PAFAH1B1: variants seen among roughly 807,000 people sequenced by gnomAD.
PAFAH1B1 encodes platelet-activating factor acetylhydrolase IB subunit beta.
PAFAH1B1 carries 2 observed loss-of-function variants against 57.5 expected under a neutral mutation model. That is an observed-to-expected ratio of 0.03 (90% CI 0.01 to 0.11). The LOEUF (loss-of-function observed/expected upper bound fraction) is 0.11. Among genes scored for constraint, PAFAH1B1 ranks in the 10% least tolerant of loss-of-function variants. The pLI, the probability that PAFAH1B1 is intolerant of heterozygous loss-of-function variation, is 1.00. For synonymous variants in PAFAH1B1, 152 were observed against 169.6 expected (o/e 0.90, Z 0.81); for missense variants, 257 against 512.0 (o/e 0.50, Z 4.81).
At chr17:2,601,862 G>T (rs1056816778) in intron 1 of PAFAH1B1, among the ~76,000 whole-genome samples, 1 of 152,182 alleles carries the variant, frequency 6.6e-6, no homozygotes, top group African/African-American at 2.4e-5. Context: ...AATGTGCTGG[G>T]ATTACAGGCA....
At chr17:2,659,180 G>T (rs563094217) in intron 2 of PAFAH1B1, among the ~76,000 whole-genome samples, 13 of 150,372 alleles carry the variant, frequency 8.6e-5, no homozygotes, top group African/African-American at 2.7e-4. Context: ...GAACCCAGGA[G>T]GGGGAGGTTG....
chr17:2,644,535 C>T (rs866358818), intron 2 of PAFAH1B1, among the ~76,000 whole-genome samples: 6 of 151,886 alleles, frequency 4.0e-5, no homozygotes, highest in Admixed American at 3.9e-4. Flanking sequence ...AAGAGTGAGA[C>T]TCCATCTCAA....
In PAFAH1B1 at chr17:2,663,928, C is replaced by T. The variant is rs544445916; in HGVS notation, c.33-1444C>T. 5.3e-5 allele frequency among the ~76,000 whole-genome samples: 8 copies of T among 151,818 alleles called. No homozygotes were observed. The South Asian group carries it at 6.3e-4, about 12-fold the overall frequency. ...CAGGCTGGTCTCGAGCTCCCGACCT[C>T]GTGATGCGCCCACCTCGGGCTCCCA... On this transcript the variant is annotated intron_variant, in intron 2 of 10. Coordinates refer to ENST00000397195, the MANE Select transcript of PAFAH1B1 (RefSeq NM_000430.4).
chr17:2,599,050 C>T (rs910045327), intron 1 of PAFAH1B1, among the ~76,000 whole-genome samples: 1 of 152,122 alleles, frequency 6.6e-6, no homozygotes, highest in Non-Finnish European at 1.5e-5. Flanking sequence ...TGAAACTTAC[C>T]TAGATAGGAC....
At position 2,660,176 on chromosome 17, in the gene PAFAH1B1, T is replaced by C. The variant is rs137914115; in HGVS notation, c.33-5196T>C. Among the ~76,000 whole-genome samples, 98 of 151,716 alleles carry C rather than the reference T, an allele frequency of 6.5e-4. No homozygotes were observed. The East Asian group carries it at 0.016, about 25-fold the overall frequency. On this transcript the variant is annotated intron_variant, in intron 2 of 10. Coordinates refer to ENST00000397195, the MANE Select transcript of PAFAH1B1 (RefSeq NM_000430.4). Reference sequence around the variant, plus strand: ...CCTGGACCTTTTAGAGGAATGCATGTTATCTCCATTGCTGCCCTGAATATG... The same window carrying C: ...CCTGGACCTTTTAGAGGAATGCATGCTATCTCCATTGCTGCCCTGAATATG...
At chr17:2,601,856 T>G (rs1369615698) in intron 1 of PAFAH1B1, among the ~76,000 whole-genome samples, 3 of 152,184 alleles carry the variant, frequency 2.0e-5, no homozygotes. Context: ...CCTCCCAATG[T>G]GCTGGGATTA....
intron 1 of PAFAH1B1, among the ~76,000 whole-genome samples, chr17:2,616,090 A>T (rs1344452098): frequency 6.6e-6 from 1 of 152,222 alleles, no homozygotes; most frequent in African/African-American, 2.4e-5. Context: ...CTTATTCAGC[A>T]CATCTTTCTT....
intron 1 of PAFAH1B1, among the ~76,000 whole-genome samples, chr17:2,611,340 C>T (rs970407950): frequency 9.2e-5 from 14 of 151,736 alleles, no homozygotes; most frequent in East Asian, 1.9e-4. Flanking sequence ...TGGTTGTGTG[C>T]GCCTGTAGTC....
intron 1 of PAFAH1B1, among the ~76,000 whole-genome samples, chr17:2,596,501 A>G (rs2068085080): frequency 6.6e-6 from 1 of 152,182 alleles, no homozygotes; most frequent in South Asian, 2.1e-4. Context: ...GCCATAAGCT[A>G]GGGTAGGTCA....
At chr17:2,640,474 CAG>C (rs1239436371) in intron 2 of PAFAH1B1, 4 of 121,892 alleles carry the variant, frequency 3.3e-5, no homozygotes, top group Non-Finnish European at 4.8e-5. Context: ...TTTTTTGAGA[CAG>C]AGCCTCGCAC....
At position 2,676,516 on chromosome 17, in the gene PAFAH1B1, T is replaced by C. The variant is rs765713462; in HGVS notation, c.912T>C (p.Ser304=). The C allele has an allele frequency of 2.5e-6, 4 of 1,609,182 alleles. No homozygotes were observed. In the South Asian group the frequency reaches 4.4e-5, roughly 18 times the overall value. The change falls in exon 9 of 11, where the codon AGT becomes AGC. Residue 304 remains serine, a synonymous_variant. Coordinates refer to ENST00000397195, the MANE Select transcript of PAFAH1B1 (RefSeq NM_000430.4). Reference sequence around the variant, plus strand: ...TATGTTTTCTGTAGACTAAAAAAAGTGGTAAACCTGGGCCATTCTTGCTGT... The same window carrying C: ...TATGTTTTCTGTAGACTAAAAAAAGCGGTAAACCTGGGCCATTCTTGCTGT... ...SEATGSETKK[S]GKPGPFLLSG...
intron 2 of PAFAH1B1, among the ~76,000 whole-genome samples, chr17:2,651,414 A>C (rs963001594): frequency 2.0e-4 from 21 of 106,976 alleles, no homozygotes; most frequent in Non-Finnish European, 3.4e-4. Flanking sequence ...CCGTCTCTAC[A>C]AAAAAAAAAA....
intron 2 of PAFAH1B1, chr17:2,641,055 A>C (rs1253156715): frequency 2.6e-5 from 4 of 152,136 alleles, no homozygotes; most frequent in Non-Finnish European, 4.4e-5. Context: ...TTTCACCACC[A>C]CTCATTCCAC....
intron 2 of PAFAH1B1, among the ~76,000 whole-genome samples, chr17:2,646,109 A>G (rs2068764982): frequency 6.6e-6 from 1 of 152,178 alleles, no homozygotes; most frequent in African/African-American, 2.4e-5. Context: ...AGAACGACAA[A>G]ATAAGTCTAA....
chr17:2,654,334 C>A (rs2068908443), intron 2 of PAFAH1B1, among the ~76,000 whole-genome samples: 2 of 151,790 alleles, frequency 1.3e-5, no homozygotes. Context: ...GGATTACAGG[C>A]ACGCACCATC....
chr17:2,675,080 C>A (rs7209145), intron 8 of PAFAH1B1, among the ~76,000 whole-genome samples: 32,954 of 152,166 alleles, frequency 0.22, 3,698 homozygotes, highest in Middle Eastern at 0.27. Context: ...CGGCTCACTG[C>A]AACCTCCGCC....
intron 1 of PAFAH1B1, among the ~76,000 whole-genome samples, chr17:2,613,058 AAAG>A (rs1257469156): frequency 2.0e-5 from 3 of 146,574 alleles, no homozygotes; most frequent in African/African-American, 2.5e-5. Context: ...AAAAAAAAAA[AAAG>A]GTGAAATTCA....
intron 9 of PAFAH1B1, chr17:2,679,893 G>C: frequency 2.3e-6 from 1 of 436,568 alleles, no homozygotes; most frequent in Non-Finnish European, 4.1e-6. Flanking sequence ...ACCATTGATA[G>C]ACTACATATT....
chr17:2,642,920 T>G (rs1412435576), intron 2 of PAFAH1B1, among the ~76,000 whole-genome samples: 1 of 152,170 alleles, frequency 6.6e-6, no homozygotes, highest in Non-Finnish European at 1.5e-5. Context: ...GAAAAACATG[T>G]ACCCAGAAGT....
Sources: allele counts gnomAD v4.1 joint callset (sites outside exome capture counted in the v4.1 genomes callset), GRCh38; gene constraint gnomAD v4.1.1; transcripts MANE v1.5; gene names NCBI Gene and HGNC (gene_info 2026-07-23, HGNC 2026-07-21).